CLVS1: variants seen among roughly 807,000 people sequenced by gnomAD.
CLVS1 encodes clavesin 1.
In CLVS1, 10 loss-of-function variants were observed where a neutral mutation model predicts 33.1. The ratio of observed to expected loss-of-function variants is 0.30; its 90% CI spans 0.19 to 0.51. CLVS1 has a LOEUF of 0.51. CLVS1 is among the 20% of genes least tolerant of loss of function. The pLI, the probability that CLVS1 is intolerant of heterozygous loss-of-function variation, is 0.97. For synonymous variants in CLVS1, 163 were observed against 166.1 expected, an observed-to-expected ratio of 0.98 and a Z score of 0.14; for missense variants, 343 against 433.4, an observed-to-expected ratio of 0.79 and a Z score of 1.85.
At chr8:61,248,328 T>G (rs1808860859) in intron 2 of CLVS1, among the ~76,000 whole-genome samples, 1 of 152,196 alleles carries the variant, frequency 6.6e-6, no homozygotes. Flanking sequence ...GTGAAGAATG[T>G]CACTGGTACT....
At chr8:61,246,570 T>C (rs1008924354) in intron 2 of CLVS1, among the ~76,000 whole-genome samples, 25 of 152,166 alleles carry the variant, frequency 1.6e-4, no homozygotes, top group Non-Finnish European at 7.3e-5. Context: ...TTACTTAGAC[T>C]TATCCATATA....
chr8:60,995,899 A>C, the CLVS1 span, among the ~76,000 whole-genome samples: 4 of 152,306 alleles, frequency 2.6e-5, no homozygotes, highest in Admixed American at 2.0e-4. Flanking sequence ...GTTCTCAGTA[A>C]ACTATCACAA....
rs137923414 is a variant in CLVS1, at chr8:61,185,271, A to G, written c.-152+53411A>G. On this transcript the variant is annotated intron_variant, in intron 2 of 2. Coordinates refer to the CLVS1 transcript ENST00000522621. ...ATCCTCCTACCTCAACCTCTCAAGT[A>G]GCTAGGATTACAAGCACACACCACC... 3.2e-3 allele frequency among the ~76,000 whole-genome samples: 489 copies of G among 150,942 alleles called. 2 individuals are homozygous for G. The highest frequency in any genetic ancestry group is 0.011 in the African/African-American group (452 of 41,070).
chr8:61,128,008 A>G (rs572861275), intron 1 of CLVS1, among the ~76,000 whole-genome samples: 74 of 152,378 alleles, frequency 4.9e-4, no homozygotes, highest in Middle Eastern at 3.4e-3. Context: ...GTTGAAAGCA[A>G]CCATAGTGGG....
chr8:61,181,452 G>A (rs1313341035), intron 2 of CLVS1, among the ~76,000 whole-genome samples: 1 of 152,096 alleles, frequency 6.6e-6, no homozygotes, highest in East Asian at 1.9e-4. Context: ...GACTATCATT[G>A]ATGTTCTTCA....
chr8:61,038,649 A>C, the CLVS1 span, among the ~76,000 whole-genome samples: 2 of 152,172 alleles, frequency 1.3e-5, no homozygotes, highest in Admixed American at 1.3e-4. Context: ...AAGTGAGAAC[A>C]AAAAATGACA....
intron 3 of CLVS1, among the ~76,000 whole-genome samples, chr8:61,443,966 C>T (rs1816662599): frequency 6.6e-6 from 1 of 151,916 alleles, no homozygotes; most frequent in African/African-American, 2.4e-5. Context: ...TAGATTTACA[C>T]TTAAGTATTT....
intron 5 of CLVS1, among the ~76,000 whole-genome samples, chr8:61,490,671 A>AG (rs1804042160): frequency 6.7e-6 from 1 of 149,654 alleles, no homozygotes; most frequent in Non-Finnish European, 1.5e-5. Context: ...AAAAAAAAAA[A>AG]AGTAGGTAAA....
At chr8:61,079,584 A>C (rs1804985019) in intron 1 of CLVS1, among the ~76,000 whole-genome samples, 1 of 152,202 alleles carries the variant, frequency 6.6e-6, no homozygotes, top group Admixed American at 6.5e-5. Flanking sequence ...CCCAAGTCAA[A>C]TGAATCTCAA....
At chr8:61,075,148 T>G (rs1804885701) in intron 1 of CLVS1, among the ~76,000 whole-genome samples, 1 of 151,958 alleles carries the variant, frequency 6.6e-6, no homozygotes. Context: ...GCTTGAGGAA[T>G]GGGGGGCACT....
At chr8:61,011,939 C>T in the CLVS1 span, among the ~76,000 whole-genome samples, 4 of 152,182 alleles carry the variant, frequency 2.6e-5, no homozygotes, top group East Asian at 1.9e-4. Context: ...CTTCCATTCC[C>T]GCCTGCCTGG....
intron 2 of CLVS1, among the ~76,000 whole-genome samples, chr8:61,344,831 A>C (rs1812147876): frequency 6.6e-6 from 1 of 152,118 alleles, no homozygotes; most frequent in South Asian, 2.1e-4. Context: ...TTTGGTAAGT[A>C]GTAATATTAA....
In CLVS1 at chr8:61,097,499, G is replaced by A. The variant is rs540524321; in HGVS notation, c.-242-34271G>A. On this transcript the variant is annotated intron_variant, in intron 1 of 2. Transcript: ENST00000522621. ...TTTCACTCGTGAGAGTTTCTAGGAC[G>A]TGTTGCTTCTGCATTTCTCTAGAGT... Among the ~76,000 whole-genome samples the A allele has an allele frequency of 3.1e-4, 47 of 152,288 alleles. No homozygotes were observed. The South Asian group carries it at 6.4e-3, about 21-fold the overall frequency.
At chr8:61,349,477 A>G (rs1193846676) in intron 2 of CLVS1, among the ~76,000 whole-genome samples, 1 of 152,118 alleles carries the variant, frequency 6.6e-6, no homozygotes, top group Non-Finnish European at 1.5e-5. Flanking sequence ...TTTCTGCATG[A>G]AAACCTGTGC....
intron 1 of CLVS1, among the ~76,000 whole-genome samples, chr8:61,102,609 CCT>C (rs1199015672): frequency 2.6e-5 from 4 of 152,002 alleles, no homozygotes; most frequent in Admixed American, 6.6e-5. Flanking sequence ...GCCTAGTTGC[CCT>C]GGCTGAAAAT....
chr8:61,013,893 C>T, the CLVS1 span, among the ~76,000 whole-genome samples: 1 of 152,168 alleles, frequency 6.6e-6, no homozygotes, highest in African/African-American at 2.4e-5. Context: ...ATCTGAGGAC[C>T]CCGAGCTGAA....
intron 4 of CLVS1, 83 bp from the exon 5 acceptor site, chr8:61,458,224 A>G (rs1817236837): frequency 2.0e-6 from 2 of 1,009,264 alleles, no homozygotes; most frequent in East Asian, 4.8e-5. Flanking sequence ...CCAATTTGTC[A>G]TGGCTAAATT....
At chr8:60,991,315 G>A in the CLVS1 span, among the ~76,000 whole-genome samples, 2 of 152,142 alleles carry the variant, frequency 1.3e-5, no homozygotes, top group African/African-American at 4.8e-5. Flanking sequence ...ATGTGTATAG[G>A]CAGAAAGGGC....
At chr8:61,023,334 A>G in the CLVS1 span, among the ~76,000 whole-genome samples, 981 of 152,358 alleles carry the variant, frequency 6.4e-3, 8 homozygotes, top group South Asian at 0.018. Context: ...ATGTGTAATT[A>G]TTCTGTCCTC....
Sources: gnomAD v4.1 joint callset for allele counts (sites outside exome capture counted in the v4.1 genomes callset) on GRCh38, gnomAD v4.1.1 for gene constraint, MANE v1.5 for transcripts, NCBI Gene and HGNC (gene_info 2026-07-23, HGNC 2026-07-21) for gene names.